The following TCF19 variants were observed in gnomAD, a reference collection of about 807,000 sequenced individuals.
TCF19 encodes transcription factor SC1.
In TCF19, 9 loss-of-function variants were observed where a neutral mutation model predicts 18.3. The ratio of observed to expected loss-of-function variants is 0.49; its 90% CI spans 0.30 to 0.86. The LOEUF is 0.86. Ranked by LOEUF, TCF19 falls within the 40% of genes least tolerant of loss-of-function variation. The pLI is 0.07. For synonymous variants in TCF19, 176 were observed against 185.3 expected (o/e 0.95, Z 0.41); for missense variants, 376 against 464.3 (o/e 0.81, Z 1.75).
At position 31,162,843 on chromosome 6, in the gene TCF19, T is replaced by C; in HGVS notation, c.*126T>C. ...AGGGAATGACTACAGGGAAGAAGGA[T>C]GGATTGATGTGGACTCATTCAGGGC... On this transcript the variant is annotated 3_prime_UTR_variant, in exon 4 of 4. Coordinates refer to ENST00000376257, the MANE Select transcript of TCF19 (RefSeq NM_007109.3). The surrounding 1 kb of genome is among the most constrained non-coding windows in gnomAD (Gnocchi z 4.5). 4 of 1,457,324 alleles carry C rather than the reference T, an allele frequency of 2.7e-6. No homozygotes were observed. The highest frequency in any genetic ancestry group is 3.6e-6 in the Non-Finnish European group (4 of 1,109,526). 90.3% of individuals were successfully genotyped at this position (1,457,324 alleles called of 1,614,324 possible).
chr6:31,159,535 C>T lies in TCF19; in HGVS notation c.66C>T (p.His22=), dbSNP rs766674467. The part of the protein sequence containing the change: ...GGRGGDLYTF[H]PPAGAGCTYR... ...GGGGCGGTGATCTCTACACCTTCCA[C>T]CCCCCCGCCGGGGCTGGCTGCACCT... Residue 22 remains histidine, a synonymous_variant, in exon 2 of 4, where the codon CAC becomes CAT. Coordinates refer to ENST00000376257, the MANE Select transcript of TCF19 (RefSeq NM_007109.3). 1.9e-6 allele frequency: 3 copies of T among 1,603,866 alleles called. No individual in the cohort carries two copies. The highest frequency in any genetic ancestry group is 2.6e-6 in the Non-Finnish European group (3 of 1,175,756).
In TCF19 at chr6:31,159,649, G is replaced by T. The variant is rs1180031083; in HGVS notation, c.180G>T (p.Leu60=). The stretch of plus-strand genomic sequence containing the variant: ...TCATCTCTGGGATCCACGCCGAACT[G>T]CATGCCGAGCCCCGGGGTGATGACT... The part of the protein sequence containing the change: ...PGLISGIHAE[L]HAEPRGDDWR... Residue 60 remains leucine (L), a synonymous_variant, in exon 2 of 4, where the codon CTG becomes CTT. Transcript: ENST00000376257. 1 of 1,613,934 alleles carries T rather than the reference G, an allele frequency of 6.2e-7. No individual in the cohort carries two copies. Among genetic ancestry groups the T allele is most frequent in the Non-Finnish European group, 8.5e-7 (1 of 1,180,060 alleles).
Position 31,162,716 on chromosome 6 carries a change from A to G in TCF19, c.1037A>G (p.Ter346=). The part of the protein sequence containing the change: ...CPGCRAGIQT[*] ...GGGTGCCGGGCTGGCATTCAGACCT[A>G]AGGTCCACTGCCAAGGCACCATCGG... Residue 346 remains the stop codon, a stop_retained_variant, in exon 4 of 4, where the codon TAA becomes TGA. Transcript: ENST00000376257. This position sits in a 1 kb window ranked among gnomAD's most constrained non-coding sequence, Gnocchi z 4.5. The G allele has an allele frequency of 6.2e-7, 1 of 1,610,860 alleles. No homozygotes were observed. Among genetic ancestry groups the G allele is most frequent in the Admixed American group, 1.7e-5 (1 of 60,014 alleles).
chr6:31,159,504 G>A lies in TCF19; in HGVS notation c.35G>A (p.Gly12Asp). ...TGCTTCCAACTGCTGCGCATAGGGG[G>A]CGGCAGGGGCGGTGATCTCTACACC... ...LPCFQLLRIG[G>D]GRGGDLYTFH... The change falls in exon 2 of 4, where the codon GGC becomes GAC. Residue 12 changes from glycine (G) to aspartate (D), a missense_variant. By Grantham distance (94) the Gly-to-Asp change is moderately conservative (BLOSUM62 -1). Coordinates refer to ENST00000376257, the MANE Select transcript of TCF19 (RefSeq NM_007109.3). 2 of 1,589,380 alleles carry A rather than the reference G, an allele frequency of 1.3e-6. No homozygotes were observed. The highest frequency in any genetic ancestry group is 1.7e-6 in the Non-Finnish European group (2 of 1,168,532).
Position 31,164,101 on chromosome 6 carries a change from G to T in TCF19, c.*1384G>T. ...GGTGGGAAAGCAAAAAGCCAGCTCT[G>T]AACAGGTAACAGCTACATGGTGACT... On this transcript the variant is annotated 3_prime_UTR_variant, in exon 4 of 4. Coordinates refer to ENST00000376257, the MANE Select transcript of TCF19 (RefSeq NM_007109.3). 4 of 1,036,840 alleles carry T rather than the reference G, an allele frequency of 3.9e-6. No homozygotes were observed. Among genetic ancestry groups the T allele is most frequent in the Non-Finnish European group, 4.7e-6 (4 of 859,950 alleles). 64.2% of individuals were successfully genotyped at this position (1,036,840 alleles called of 1,614,324 possible). A position where few individuals can be genotyped will look rare whatever the true frequency, so the allele number is the denominator to read the frequency against.
chr6:31,162,078 G>T lies in TCF19; in HGVS notation c.797+73G>T. On this transcript the variant is annotated intron_variant, in intron 3 of 3. Coordinates refer to ENST00000376257, the MANE Select transcript of TCF19 (RefSeq NM_007109.3). The surrounding 1 kb of genome is among the most constrained non-coding windows in gnomAD (Gnocchi z 4.5). ...ATTCCTTGTATCCCTAGGCTGTGAG[G>T]AGGTCCCCCTGCCTGGGGGGATGGG... 6.7e-7 allele frequency: 1 copy of T among 1,482,270 alleles called. No homozygotes were observed. The allele number at this position is 1,482,270 out of a possible 1,614,324, so 91.8% of individuals were successfully genotyped here. A position where few individuals can be genotyped will look rare whatever the true frequency, so the allele number is the denominator to read the frequency against.
rs1776980769 is a variant in TCF19, at chr6:31,163,897, C to T, written c.*1180C>T. 1 of 985,332 alleles carries T rather than the reference C, an allele frequency of 1.0e-6. No homozygotes were observed. The highest frequency in any genetic ancestry group is 1.2e-6 in the Non-Finnish European group (1 of 829,982). 61.0% of individuals were successfully genotyped at this position (985,332 alleles called of 1,614,324 possible). A position where few individuals can be genotyped will look rare whatever the true frequency, so the allele number is the denominator to read the frequency against. On this transcript the variant is annotated 3_prime_UTR_variant, in exon 4 of 4. Coordinates refer to ENST00000376257, the MANE Select transcript of TCF19 (RefSeq NM_007109.3). ...ACTAGTGGCAGAGCCAGGAATAAAA[C>T]TTGAGTAACTAATGAGTCACTTATG...
At position 31,161,740 on chromosome 6, in the gene TCF19, T is replaced by C. The variant is rs1776793706; in HGVS notation, c.532T>C (p.Ser178Pro). The change falls in exon 3 of 4, where the codon TCC (serine) becomes CCC (proline). Residue 178 changes from serine (S) to proline (P), a missense_variant. Coordinates refer to ENST00000376257, the MANE Select transcript of TCF19 (RefSeq NM_007109.3). ...PAPKATLILN[S>P]IGSLSKLRPQ... The stretch of plus-strand genomic sequence containing the variant: ...CCCCAAGGCCACACTGATCCTAAAC[T>C]CCATAGGCAGCCTCAGCAAGCTCCG... 1.3e-6 allele frequency: 2 copies of C among 1,581,222 alleles called. No individual in the cohort carries two copies. The highest frequency in any genetic ancestry group is 8.6e-7 in the Non-Finnish European group (1 of 1,163,800).
In TCF19 at chr6:31,161,717, C is replaced by G; in HGVS notation, c.509C>G (p.Pro170Arg). 3 of 1,555,016 alleles carry G rather than the reference C, an allele frequency of 1.9e-6. No individual in the cohort carries two copies. Among genetic ancestry groups the G allele is most frequent in the Non-Finnish European group, 2.6e-6 (3 of 1,149,628 alleles). Residue 170 changes from proline (P) to arginine (R), a missense_variant, in exon 3 of 4, where the codon CCC becomes CGC. Coordinates refer to ENST00000376257, the MANE Select transcript of TCF19 (RefSeq NM_007109.3). The part of the protein sequence containing the change: ...QRPLSTFSPA[P>R]KATLILNSIG... Reference sequence around the variant, plus strand: ...CCTCTCAGCACCTTCTCCCCTGCCCCCAAGGCCACACTGATCCTAAACTCC... The same window carrying G: ...CCTCTCAGCACCTTCTCCCCTGCCCGCAAGGCCACACTGATCCTAAACTCC...
chr6:31,159,388 T>G lies in TCF19; in HGVS notation c.-82T>G. 7.6e-7 allele frequency: 1 copy of G among 1,314,580 alleles called. No homozygotes were observed. The highest frequency in any genetic ancestry group is 1.5e-5 in the African/African-American group (1 of 67,454). 81.4% of individuals were successfully genotyped at this position (1,314,580 alleles called of 1,614,324 possible). ...TTTGCATCAGACTGGGAAGCGAACT[T>G]AAGCCAGCGGTGCGTGGCCCAGGAG... On this transcript the variant is annotated 5_prime_UTR_variant, in exon 2 of 4. Transcript: ENST00000376257.
intron 2 of TCF19, 83 bp from the exon 3 acceptor site, chr6:31,161,364 A>G: frequency 8.6e-7 from 1 of 1,165,838 alleles, no homozygotes; most frequent in Non-Finnish European, 1.1e-6. Flanking sequence ...TCTTCCCCAG[A>G]AATCATACAG....
Position 31,162,881 on chromosome 6 carries a change from C to G in TCF19, c.*164C>G, listed in dbSNP as rs1279161440. The stretch of plus-strand genomic sequence containing the variant: ...ACTCATTCAGGGCCTGGAGCAGACC[C>G]TGGTGGCCAAGACAGAAGAGATGGT... On this transcript the variant is annotated 3_prime_UTR_variant, in exon 4 of 4. Coordinates refer to ENST00000376257, the MANE Select transcript of TCF19 (RefSeq NM_007109.3). The surrounding 1 kb of genome is among the most constrained non-coding windows in gnomAD (Gnocchi z 4.5). The G allele has an allele frequency of 2.1e-6, 3 of 1,427,328 alleles. No homozygotes were observed. The African/African-American group carries it at 4.3e-5, about 21-fold the overall frequency. The allele number at this position is 1,427,328 out of a possible 1,614,324, so 88.4% of individuals were successfully genotyped here. A position where few individuals can be genotyped will look rare whatever the true frequency, so the allele number is the denominator to read the frequency against.
At chr6:31,160,015 G>A (rs556697746) in intron 2 of TCF19, among the ~76,000 whole-genome samples, 203 of 152,338 alleles carry the variant, frequency 1.3e-3, no homozygotes, top group Non-Finnish European at 2.3e-3. Context: ...GCTTTGCTGA[G>A]GCACTCTGTT....
rs767412829 is a variant in TCF19, at chr6:31,159,668, G to A, written c.199G>A (p.Asp67Asn). Residue 67 changes from aspartate (D) to asparagine (N), a missense_variant, in exon 2 of 4, where the codon GAT (aspartate) becomes AAT (asparagine). By Grantham distance (23) the Asp-to-Asn change is conservative. Transcript: ENST00000376257. ...HAELHAEPRG[D>N]DWRVSLEDHS... Reference sequence around the variant, plus strand: ...CGAACTGCATGCCGAGCCCCGGGGTGATGACTGGAGGGTCAGCCTGGAAGA... The same window carrying A: ...CGAACTGCATGCCGAGCCCCGGGGTAATGACTGGAGGGTCAGCCTGGAAGA... 1 of 1,614,124 alleles carries A rather than the reference G, an allele frequency of 6.2e-7. No individual in the cohort carries two copies. The highest frequency in any genetic ancestry group is 1.1e-5 in the South Asian group (1 of 91,086).
At chr6:31,161,388 T>C (rs779050501) in intron 2 of TCF19, 59 bp from the exon 3 acceptor site, 3 of 1,303,082 alleles carry the variant, frequency 2.3e-6, no homozygotes, top group South Asian at 4.5e-5. Context: ...TCTCCACTCC[T>C]GACTCTGGTC....
At chr6:31,159,953 G>A (rs1776649844) in intron 2 of TCF19, among the ~76,000 whole-genome samples, 1 of 152,238 alleles carries the variant, frequency 6.6e-6, no homozygotes, top group Non-Finnish European at 1.5e-5. Flanking sequence ...ATATCACAGT[G>A]GGGATGTTCT....
chr6:31,162,086 C>T lies in TCF19; in HGVS notation c.797+81C>T. 20 of 1,456,058 alleles carry T rather than the reference C, an allele frequency of 1.4e-5. No homozygotes were observed. Among genetic ancestry groups the T allele is most frequent in the Non-Finnish European group, 1.7e-5 (19 of 1,089,418 alleles). The allele number at this position is 1,456,058 out of a possible 1,614,324, so 90.2% of individuals were successfully genotyped here. On this transcript the variant is annotated intron_variant, in intron 3 of 3. Transcript: ENST00000376257. This position sits in a 1 kb window ranked among gnomAD's most constrained non-coding sequence, Gnocchi z 4.5. ...TATCCCTAGGCTGTGAGGAGGTCCC[C>T]CTGCCTGGGGGGATGGGCACGGGAG...
intron 2 of TCF19, among the ~76,000 whole-genome samples, chr6:31,160,711 A>T (rs537327872): frequency 6.6e-6 from 1 of 152,154 alleles, no homozygotes; most frequent in Non-Finnish European, 1.5e-5. Flanking sequence ...GTGAGCTGAG[A>T]TCGCACCACT....
chr6:31,160,604 C>A (rs1028118627), intron 2 of TCF19, among the ~76,000 whole-genome samples: 3 of 151,470 alleles, frequency 2.0e-5, no homozygotes, highest in Non-Finnish European at 4.4e-5. Flanking sequence ...AAAAAAAATA[C>A]AAAAATTAGC....
Sources: allele counts gnomAD v4.1 joint callset (sites outside exome capture counted in the v4.1 genomes callset), GRCh38; gene constraint gnomAD v4.1.1; non-coding constraint Gnocchi (gnomAD v3.1); transcripts MANE v1.5; gene names NCBI Gene and HGNC (gene_info 2026-07-23, HGNC 2026-07-21).